The following RGS7 variants were observed in gnomAD, a reference collection of about 807,000 sequenced individuals.
RGS7 encodes the protein regulator of G-protein signaling 7.
Under a neutral mutation model 81.1 loss-of-function variants are expected in RGS7, and 27 were observed. That is an observed-to-expected ratio of 0.33 (90% confidence interval 0.25 to 0.46). RGS7 has a LOEUF of 0.46. Ranked by LOEUF, RGS7 falls within the 20% of genes least tolerant of loss-of-function variation. The pLI is 1.00. For missense variants in RGS7, 396 were observed against 607.4 expected (o/e 0.65, Z 3.66); for synonymous variants, 208 against 207.7 (o/e 1.00, Z -0.01).
chr1:241,195,783 T>G (rs2073024514), intron 2 of RGS7, among the ~76,000 whole-genome samples: 1 of 151,644 alleles, frequency 6.6e-6, no homozygotes, highest in Admixed American at 6.6e-5. Flanking sequence ...CAGAAATAAA[T>G]ATTGAGAACA....
chr1:240,987,714 AG>A (rs5782172), intron 3 of RGS7, among the ~76,000 whole-genome samples: 54,181 of 150,818 alleles, frequency 0.36, 11,417 homozygotes, highest in East Asian at 0.59. Flanking sequence ...TATTTTTTGG[AG>A]GATGGGGTCT....
chr1:241,231,232 T>C (rs2075645035), intron 2 of RGS7, among the ~76,000 whole-genome samples: 1 of 152,228 alleles, frequency 6.6e-6, no homozygotes, highest in African/African-American at 2.4e-5. Context: ...GCCACTGTTT[T>C]TTCATTTTAC....
intron 4 of RGS7, among the ~76,000 whole-genome samples, chr1:240,979,036 T>G (rs529398303): frequency 1.2e-4 from 18 of 152,174 alleles, no homozygotes; most frequent in Non-Finnish European, 2.4e-4. Context: ...CCCATTTATA[T>G]TTTGAATTTC....
intron 6 of RGS7, among the ~76,000 whole-genome samples, chr1:240,917,377 A>T (rs1345364316): frequency 6.6e-6 from 1 of 152,174 alleles, no homozygotes; most frequent in Admixed American, 6.5e-5. Context: ...TTCTTAATTG[A>T]TCTGATGGAT....
intron 3 of RGS7, among the ~76,000 whole-genome samples, chr1:241,089,063 C>CTCTCTCTCTCTATA (rs1374552672): frequency 2.1e-4 from 5 of 23,684 alleles, no homozygotes; most frequent in African/African-American, 4.6e-4. Context: ...CTCTCTCTCT[C>CTCTCTCTCTCTATA]TATATATATA....
chr1:240,930,393 G>T (rs73118010), intron 6 of RGS7, among the ~76,000 whole-genome samples: 5,053 of 152,052 alleles, frequency 0.033, 269 homozygotes, highest in African/African-American at 0.11. Context: ...TAGAACTCTG[G>T]TTCTATGGGT....
intron 2 of RGS7, among the ~76,000 whole-genome samples, chr1:241,314,490 G>A (rs994299748): frequency 2.0e-5 from 3 of 152,154 alleles, no homozygotes; most frequent in African/African-American, 4.8e-5. Context: ...CTACAGTGTG[G>A]TATAAACTTA....
chr1:241,215,975 A>G (rs773838718), intron 2 of RGS7, among the ~76,000 whole-genome samples: 2 of 152,364 alleles, frequency 1.3e-5, no homozygotes, highest in Non-Finnish European at 2.9e-5. Flanking sequence ...ATGAACACTG[A>G]AAAGTAAGAA....
chr1:241,207,023 C>T (rs1279913630), intron 2 of RGS7, among the ~76,000 whole-genome samples: 1 of 119,190 alleles, frequency 8.4e-6, no homozygotes, highest in Non-Finnish European at 1.6e-5. Context: ...GGCTGGAGTG[C>T]AGTGGTGCGA....
chr1:241,087,090 G>A (rs1336215509), intron 3 of RGS7, among the ~76,000 whole-genome samples: 1 of 152,140 alleles, frequency 6.6e-6, no homozygotes, highest in Non-Finnish European at 1.5e-5. Context: ...CAGACAGCAT[G>A]GCTTAATTCT....
At chr1:240,940,893 G>A (rs552646236) in intron 4 of RGS7, among the ~76,000 whole-genome samples, 1 of 152,316 alleles carries the variant, frequency 6.6e-6, no homozygotes, top group South Asian at 2.1e-4. Context: ...AGTGCAAAGT[G>A]TATGTTGGCA....
At chr1:240,919,792 A>G in intron 6 of RGS7, 1 of 722,422 alleles carries the variant, frequency 1.4e-6, no homozygotes, top group Non-Finnish European at 2.5e-6. Flanking sequence ...GTAATGAGAG[A>G]TTCAAACATC....
intron 2 of RGS7, among the ~76,000 whole-genome samples, chr1:241,200,740 G>A (rs769959729): frequency 7.2e-5 from 11 of 152,040 alleles, no homozygotes; most frequent in Admixed American, 2.0e-4. Flanking sequence ...CACTGCCCCC[G>A]GATTATTGCT....
rs796307926 is a variant in RGS7, at chr1:241,046,348, CTTT to C, written c.175+52315_175+52317del. Among the ~76,000 whole-genome samples the C allele has an allele frequency of 4.1e-4, 62 of 150,854 alleles. 1 individual carries two copies. Among genetic ancestry groups the C allele is most frequent in the African/African-American group, 1.5e-3 (61 of 41,050 alleles). On this transcript the variant is annotated intron_variant, in intron 3 of 18. Coordinates refer to ENST00000440928, the MANE Select transcript of RGS7 (RefSeq NM_001364886.1). ...CATCCCCAATGTCTGTTGTTCCCAT[CTTT>C]ATGTCCATGTGTACTTAATGTATAG...
intron 2 of RGS7, among the ~76,000 whole-genome samples, chr1:241,258,803 A>G (rs952757473): frequency 2.0e-5 from 3 of 152,204 alleles, no homozygotes; most frequent in African/African-American, 7.2e-5. Context: ...CGGGAGGCAA[A>G]ATACAAGGAA....
rs1305688520 is a variant in RGS7, at chr1:241,144,961, GTGTT to G, written c.79-46203_79-46200del. Among the ~76,000 whole-genome samples, 3 of 145,112 alleles carry G rather than the reference GTGTT, an allele frequency of 2.1e-5. No homozygotes were observed. The highest frequency in any genetic ancestry group is 4.5e-5 in the Non-Finnish European group (3 of 66,522). ...TGTGTGTGTGTGTGTGTGTGTGTGT[GTGTT>G]CGTGTTCATTCTTCCTGTTCCTGTT... On this transcript the variant is annotated intron_variant, in intron 2 of 18. Coordinates refer to ENST00000440928, the MANE Select transcript of RGS7 (RefSeq NM_001364886.1). The surrounding 1 kb of genome is among the most constrained non-coding windows in gnomAD (Gnocchi z 4.7).
chr1:240,946,060 G>A (rs1678552640), intron 4 of RGS7, among the ~76,000 whole-genome samples: 2 of 152,058 alleles, frequency 1.3e-5, no homozygotes, highest in Admixed American at 6.6e-5. Flanking sequence ...TCTGTTTGCT[G>A]TTTTAAAACC....
At chr1:241,081,319 T>C (rs2063118997) in intron 3 of RGS7, among the ~76,000 whole-genome samples, 1 of 152,246 alleles carries the variant, frequency 6.6e-6, no homozygotes, top group South Asian at 2.1e-4. Flanking sequence ...AAATTCCAGA[T>C]GCCTATAAAG....
chr1:241,089,402 T>C (rs2063725983), intron 3 of RGS7, among the ~76,000 whole-genome samples: 3 of 151,882 alleles, frequency 2.0e-5, no homozygotes, highest in South Asian at 4.2e-4. Context: ...AAACAGAAAG[T>C]GCATGAAGGG....
Sources: allele counts gnomAD v4.1 joint callset (sites outside exome capture counted in the v4.1 genomes callset), GRCh38; gene constraint gnomAD v4.1.1; non-coding constraint Gnocchi (gnomAD v3.1); transcripts MANE v1.5; gene names NCBI Gene and HGNC (gene_info 2026-07-23, HGNC 2026-07-21).